The following LEMD2 variants were observed in gnomAD, a reference collection of about 807,000 sequenced individuals.
LEMD2 encodes LEM domain-containing protein 2.
In LEMD2, 34 loss-of-function variants were observed where a neutral mutation model predicts 58.8. The observed-to-expected ratio is 0.58, with a 90% CI of 0.44 to 0.77. The LOEUF (loss-of-function observed/expected upper bound fraction) is 0.77, where lower values mean the gene tolerates loss of function less well. Among genes scored for constraint, LEMD2 ranks in the 30% least tolerant of loss-of-function variants. LEMD2 has a pLI of 0.00. For missense variants in LEMD2, 629 were observed against 717.9 expected (o/e 0.88, Z 1.42); for synonymous variants, 298 against 308.9 (o/e 0.96, Z 0.37).
intron 2 of LEMD2, among the ~76,000 whole-genome samples, chr6:33,786,248 AAG>A (rs1236013155): frequency 6.6e-6 from 1 of 152,272 alleles, no homozygotes; most frequent in African/African-American, 2.4e-5. Context: ...AATGTAGACT[AAG>A]AGGGCTAATT....
At chr6:33,785,988 C>T (rs551713245) in intron 2 of LEMD2, among the ~76,000 whole-genome samples, 10 of 152,290 alleles carry the variant, frequency 6.6e-5, no homozygotes, top group Middle Eastern at 3.4e-3. Context: ...TTTCCCAGCC[C>T]CTGGGCTACT....
chr6:33,773,070 T>G (rs1170242576), intron 8 of LEMD2, among the ~76,000 whole-genome samples: 4 of 152,196 alleles, frequency 2.6e-5, no homozygotes, highest in Non-Finnish European at 5.9e-5. Flanking sequence ...CTAGGCTAGC[T>G]GACTCTTGCT....
chr6:33,784,477 G>GGGGGGGCCCCCCC, intron 2 of LEMD2, 50 bp from the exon 3 acceptor site: 5 of 430,784 alleles, frequency 1.2e-5, no homozygotes, highest in East Asian at 7.6e-5. Flanking sequence ...GGTGGGAGGG[G>GGGGGGGCCCCCCC]TCCGTCTGTC....
Position 33,772,621 on chromosome 6 carries a change from C to T in LEMD2, c.*7G>A, listed in dbSNP as rs1561921115. 11 of 1,612,358 alleles carry T rather than the reference C, an allele frequency of 6.8e-6. No individual in the cohort carries two copies. The highest frequency in any genetic ancestry group is 9.3e-6 in the Non-Finnish European group (11 of 1,179,092). ...AGGCTGACCGGGAACAAGTCCCCGC[C>T]CGGGGCTTATCGCTCTGAGTCAGAG... On this transcript the variant is annotated 3_prime_UTR_variant, in exon 9 of 9. Transcript: ENST00000293760.
rs773635855 is a variant in LEMD2, at chr6:33,788,968, A to G, written c.149T>C (p.Leu50Pro). The G allele has an allele frequency of 4.6e-6, 7 of 1,533,740 alleles. No individual in the cohort carries two copies. The East Asian group carries it at 1.3e-4, about 30-fold the overall frequency. The change falls in exon 1 of 9, where the codon CTG becomes CCG. Residue 50 changes from leucine to proline, a missense_variant. Physicochemically the swap from Leu to Pro is moderately conservative, Grantham distance 98. Around this residue, in one of 2 missense-constraint regions of LEMD2, gnomAD observed 386 missense variants for 381.1 expected, o/e 1.01. Transcript: ENST00000293760. Reference sequence around the variant, plus strand: ...GCCCCGCGGCCGGGCCTCCTCCCGCAGCCGCTCCTCGTCGCGCAGCCGGGC... The same window carrying G: ...GCCCCGCGGCCGGGCCTCCTCCCGCGGCCGCTCCTCGTCGCGCAGCCGGGC... The part of the protein sequence containing the change: ...GEARLRDEER[L>P]REEARPRGEE...
Position 33,788,686 on chromosome 6 carries a change from T to C in LEMD2, c.431A>G (p.Asp144Gly). Residue 144 changes from aspartate to glycine, a missense_variant, in exon 1 of 9, where the codon GAC becomes GGC. This residue lies in a region of LEMD2 where 386 missense variants were observed against 381.1 expected (regional missense o/e 1.01). Coordinates refer to ENST00000293760, the MANE Select transcript of LEMD2 (RefSeq NM_181336.4). ...SVRGSSEEDE[D>G]ARTPDRATQG... is the part of the protein sequence containing the mutation. ...CGTGGCCCTGTCGGGCGTCCGGGCG[T>C]CCTCGTCCTCCTCGGAGCTGCCCCG... The C allele has an allele frequency of 1.5e-6, 2 of 1,354,494 alleles. No homozygotes were observed. The highest frequency in any genetic ancestry group is 3.2e-5 in the East Asian group (1 of 31,720). The allele number at this position is 1,354,494 out of a possible 1,614,324, so 83.9% of individuals were successfully genotyped here.
At chr6:33,784,615 T>C in intron 2 of LEMD2, 188 bp from the exon 3 acceptor site, 2 of 545,576 alleles carry the variant, frequency 3.7e-6, no homozygotes, top group Admixed American at 3.0e-5. Context: ...TTGGGTTAAC[T>C]GCCTGAGAAA....
chr6:33,785,254 G>A lies in LEMD2; in HGVS notation c.778-827C>T, dbSNP rs113587867. 4.8e-3 allele frequency among the ~76,000 whole-genome samples: 726 copies of A among 152,300 alleles called. 7 individuals carry two copies. Among genetic ancestry groups the A allele is most frequent in the Non-Finnish European group, 6.9e-3 (472 of 68,024 alleles). On this transcript the variant is annotated intron_variant, in intron 2 of 8. Transcript: ENST00000293760. The stretch of plus-strand genomic sequence containing the variant: ...CCAAGAAACACGTCCCCACCTGCTT[G>A]TTCCTGTGTCCACCCTCCAGAAAGG...
In LEMD2 at chr6:33,778,370, TG is replaced by T; in HGVS notation, c.1027del (p.Gln343SerfsTer5). On this transcript the variant is annotated frameshift_variant, in exon 6 of 9. Coordinates refer to ENST00000293760, the MANE Select transcript of LEMD2 (RefSeq NM_181336.4). LOFTEE classifies it high-confidence loss of function. This position sits in a 1 kb window ranked among gnomAD's most constrained non-coding sequence, Gnocchi z 4.7. The part of the protein sequence containing the change: ...DVGIWLKGED[Q>X]SELVTTVDKV... ...GTCCACAGTCGTCACCAATTCAGAC[TG>T]GTCTTCTCCTTTCAACCTGAAACAG... 6.4e-7 allele frequency: 1 copy of T among 1,568,574 alleles called. No individual in the cohort carries two copies. Among genetic ancestry groups the T allele is most frequent in the South Asian group, 1.2e-5 (1 of 85,036 alleles).
chr6:33,772,826 A>G (rs1171025081), intron 8 of LEMD2, 48 bp from the exon 9 acceptor site: 1 of 1,559,346 alleles, frequency 6.4e-7, no homozygotes, highest in Admixed American at 1.8e-5. Context: ...GAGGTGAGCC[A>G]GCCTGTGGAT....
At chr6:33,781,847 C>T (rs1767572043) in intron 3 of LEMD2, 1 of 152,550 alleles carries the variant, frequency 6.6e-6, no homozygotes, top group Non-Finnish European at 1.5e-5. Flanking sequence ...GGTCCTCGCT[C>T]CTGTGCTGTG....
rs552390259 is a variant in LEMD2, at chr6:33,777,052, C to G, written c.1263G>C (p.Val421=). The change falls in exon 8 of 9, where the codon GTG becomes GTC. Residue 421 remains valine, a synonymous_variant. Transcript: ENST00000293760. ...CCCAGTCCACGTAATGGTCCTGGAC[C>G]ACGTCTGCAGGAGAGAGCACACCAT... ...MYEMVKKIID[V]VQDHYVDWEQ... 1 of 1,613,860 alleles carries G rather than the reference C, an allele frequency of 6.2e-7. No homozygotes were observed. The highest frequency in any genetic ancestry group is 8.5e-7 in the Non-Finnish European group (1 of 1,179,768).
At chr6:33,786,668 T>C in intron 2 of LEMD2, 66 bp downstream of exon 2, 1 of 1,288,804 alleles carries the variant, frequency 7.8e-7, no homozygotes, top group Non-Finnish European at 1.1e-6. Context: ...TCTGGGGAAG[T>C]TTACCTCCTG....
chr6:33,777,620 G>C (rs73744674), intron 6 of LEMD2, among the ~76,000 whole-genome samples: 4,725 of 152,276 alleles, frequency 0.031, 104 homozygotes, highest in Non-Finnish European at 0.04. Flanking sequence ...TTCTGTGCCT[G>C]ATGGCACAGG....
intron 5 of LEMD2, chr6:33,779,294 G>A (rs1457807243): frequency 6.7e-6 from 1 of 149,842 alleles, no homozygotes; most frequent in Non-Finnish European, 1.5e-5. Context: ...AATTTTAATC[G>A]TGCCATGCAT....
rs371879077 is a variant in LEMD2, at chr6:33,780,739, T to A, written c.930+338A>T. Among the ~76,000 whole-genome samples the A allele has an allele frequency of 9.2e-5, 14 of 152,222 alleles. No homozygotes were observed. In the East Asian group the frequency reaches 9.7e-4, roughly 11 times the overall value. On this transcript the variant is annotated intron_variant, in intron 4 of 8. Coordinates refer to ENST00000293760, the MANE Select transcript of LEMD2 (RefSeq NM_181336.4). ...CCCTGGGCAGTCTGAATGGTAATCA[T>A]ACGGGGGAGAAGGGACAGCATGTTT... is the stretch of plus-strand genomic sequence containing the variant.
rs771820724 is a variant in LEMD2, at chr6:33,771,634, G to C, written c.*994C>G. On this transcript the variant is annotated 3_prime_UTR_variant, in exon 9 of 9. Transcript: ENST00000293760. ...GGAGCAGGCTGAGGAGCTGGCGGGA[G>C]GGCCGGTGGGCGGCGGCGCGGACGC... The C allele has an allele frequency of 6.6e-6, 1 of 152,378 alleles. No homozygotes were observed. Among genetic ancestry groups the C allele is most frequent in the South Asian group, 2.1e-4 (1 of 4,832 alleles). The allele number at this position is 152,378 out of a possible 1,614,324, so 9.4% of individuals were successfully genotyped here.
chr6:33,780,194 GGGA>G lies in LEMD2; in HGVS notation c.931-18_931-16del. 2 of 1,575,378 alleles carry G rather than the reference GGGA, an allele frequency of 1.3e-6. No homozygotes were observed. Among genetic ancestry groups the G allele is most frequent in the East Asian group, 2.3e-5 (1 of 43,096 alleles). On this transcript the variant is annotated splice_polypyrimidine_tract_variant and intron_variant, in intron 4 of 8. Transcript: ENST00000293760. ...CTGGTCACATTCTGTGGGAGGGCGCGGGAGAAGGTTAGTTCGGCGTCTGGGCGG... is the reference window on the plus strand; with the variant it reads ...CTGGTCACATTCTGTGGGAGGGCGCGGAAGGTTAGTTCGGCGTCTGGGCGG...
chr6:33,788,486 A>T lies in LEMD2; in HGVS notation c.631T>A (p.Ser211Thr). 6.4e-7 allele frequency: 1 copy of T among 1,551,604 alleles called. No homozygotes were observed. Among genetic ancestry groups the T allele is most frequent in the Non-Finnish European group, 8.7e-7 (1 of 1,149,564 alleles). ...EVGRRLERWL[S>T]RLLLWASLGL... Reference sequence around the variant, plus strand: ...AGGCTGGCCCAGAGCAGAAGCCGAGAGAGCCAGCGCTCCAGCCGGCGCCCC... The same window carrying T: ...AGGCTGGCCCAGAGCAGAAGCCGAGTGAGCCAGCGCTCCAGCCGGCGCCCC... Residue 211 changes from serine to threonine, a missense_variant, in exon 1 of 9, where the codon TCT (serine) becomes ACT (threonine). Physicochemically the swap from Ser to Thr is moderately conservative, Grantham distance 58. Around this residue, in one of 2 missense-constraint regions of LEMD2, gnomAD observed 386 missense variants for 381.1 expected, o/e 1.01. Transcript: ENST00000293760.
Sources: gnomAD v4.1 joint callset for allele counts (sites outside exome capture counted in the v4.1 genomes callset) on GRCh38, gnomAD v4.1.1 for gene constraint, gnomAD v4.1.1 regional missense constraint, Gnocchi (gnomAD v3.1) non-coding constraint, MANE v1.5 for transcripts, NCBI Gene and HGNC (gene_info 2026-07-23, HGNC 2026-07-21) for gene names.